Variants in NUP93 observed in about 807,000 individuals in gnomAD.
NUP93 encodes the protein nucleoporin 93, also known as nuclear pore complex protein Nup93.
Under a neutral mutation model 107.8 loss-of-function variants are expected in NUP93, and 55 were observed. The observed-to-expected ratio is 0.51, with a 90% CI of 0.41 to 0.64. NUP93 has a LOEUF of 0.64. Ranked by LOEUF, NUP93 falls within the 30% of genes least tolerant of loss-of-function variation. NUP93 has a pLI of 0.00. For synonymous variants in NUP93, 390 were observed against 397.5 expected (o/e 0.98, Z 0.22); for missense variants, 937 against 1,044.7 (o/e 0.90, Z 1.42).
At chr16:56,772,202 A>G (rs1962334875) in intron 3 of NUP93, among the ~76,000 whole-genome samples, 1 of 152,152 alleles carries the variant, frequency 6.6e-6, no homozygotes, top group African/African-American at 2.4e-5. Flanking sequence ...GAAAAAGGAT[A>G]AAGAACATGG....
intron 10 of NUP93, 161 bp from the exon 11 acceptor site, chr16:56,831,681 G>A (rs1596853711): frequency 9.0e-6 from 6 of 664,320 alleles, no homozygotes; most frequent in East Asian, 8.5e-5. Flanking sequence ...AGGTTAAAGC[G>A]ATGGTACCGA....
intron 5 of NUP93, among the ~76,000 whole-genome samples, 164 bp from the exon 6 acceptor site, chr16:56,818,500 C>A (rs1438901178): frequency 6.6e-6 from 1 of 152,182 alleles, no homozygotes; most frequent in Non-Finnish European, 1.5e-5. Context: ...GTAAAAGTTG[C>A]ATGTTATTGA....
Position 56,834,730 on chromosome 16 carries a change from A to G in NUP93, c.1738-4A>G, listed in dbSNP as rs1316982413. On this transcript the variant is annotated splice_polypyrimidine_tract_variant and splice_region_variant and intron_variant, in intron 15 of 21. Transcript: ENST00000308159. ...AATTTGAGTAAACTTTTTTCCTTCC[A>G]CAGTTCGATATGATTCTTGGGAAAC... 12 of 1,610,728 alleles carry G rather than the reference A, an allele frequency of 7.5e-6. No homozygotes were observed. The highest frequency in any genetic ancestry group is 5.0e-5 in the Admixed American group (3 of 59,670).
intron 3 of NUP93, among the ~76,000 whole-genome samples, chr16:56,776,905 T>A (rs2144512288): frequency 6.6e-6 from 1 of 152,392 alleles, no homozygotes; most frequent in African/African-American, 2.4e-5. Context: ...TATTATTTCA[T>A]GTATTTTTTA....
chr16:56,768,651 G>T (rs1230309636), intron 3 of NUP93, among the ~76,000 whole-genome samples: 1 of 151,462 alleles, frequency 6.6e-6, no homozygotes, highest in African/African-American at 2.4e-5. Flanking sequence ...CGGATCACAA[G>T]GTCAGGAGAT....
intron 3 of NUP93, among the ~76,000 whole-genome samples, chr16:56,780,036 G>C (rs1213551608): frequency 6.6e-6 from 1 of 152,168 alleles, no homozygotes; most frequent in Admixed American, 6.5e-5. Context: ...TTCTTGTACT[G>C]GTTCAGAGAG....
Position 56,837,784 on chromosome 16 carries a change from C to T in NUP93, c.2018+58C>T, listed in dbSNP as rs150129295. 1,720 of 1,244,820 alleles carry T rather than the reference C, an allele frequency of 1.4e-3. 14 individuals carry two copies. The African/African-American group carries it at 0.022, about 16-fold the overall frequency. The allele number at this position is 1,244,820 out of a possible 1,614,324, so 77.1% of individuals were successfully genotyped here. ...GGGTGCCACTGCCAGTGCCAGGCCA[C>T]CTATGCCCACCCAAATGCATGTTCA... On this transcript the variant is annotated intron_variant, in intron 18 of 21. Coordinates refer to ENST00000308159, the MANE Select transcript of NUP93 (RefSeq NM_014669.5).
At chr16:56,807,633 G>C (rs1483086268) in intron 5 of NUP93, among the ~76,000 whole-genome samples, 1 of 152,214 alleles carries the variant, frequency 6.6e-6, no homozygotes, top group Non-Finnish European at 1.5e-5. Flanking sequence ...GAATGATTAT[G>C]TTAAGTAGCC....
chr16:56,753,045 T>C (rs1366449656), intron 2 of NUP93, among the ~76,000 whole-genome samples: 1 of 152,100 alleles, frequency 6.6e-6, no homozygotes, highest in Non-Finnish European at 1.5e-5. Flanking sequence ...TTGAAACATA[T>C]CAAATATGTT....
chr16:56,810,984 G>T (rs1963303350), intron 5 of NUP93, among the ~76,000 whole-genome samples: 1 of 152,032 alleles, frequency 6.6e-6, no homozygotes, highest in Non-Finnish European at 1.5e-5. Context: ...CATTCTCATG[G>T]CTAAACAGTA....
intron 19 of NUP93, 164 bp downstream of exon 19, chr16:56,839,233 CTTTTTTTTTTTTTTT>C (rs71152206): frequency 1.5e-4 from 8 of 52,832 alleles, no homozygotes; most frequent in South Asian, 1.0e-3. Context: ...TCCTGTGTGG[CTTTTTTTTTTTTTTT>C]TTTTTTTTTT....
At chr16:56,764,489 C>CA (rs1456720154) in intron 3 of NUP93, among the ~76,000 whole-genome samples, 2 of 152,052 alleles carry the variant, frequency 1.3e-5, no homozygotes, top group African/African-American at 4.8e-5. Context: ...GACTCTGTCT[C>CA]AAAAAATGAA....
chr16:56,833,575 TC>T (rs530478696), intron 13 of NUP93, among the ~76,000 whole-genome samples, 169 bp downstream of exon 13: 5 of 143,666 alleles, frequency 3.5e-5, no homozygotes, highest in East Asian at 4.4e-4. Context: ...GGTTCCTGCT[TC>T]CCCCCCACCC....
chr16:56,829,368 A>G (rs537889087), intron 9 of NUP93, among the ~76,000 whole-genome samples: 2 of 152,368 alleles, frequency 1.3e-5, no homozygotes, highest in South Asian at 2.1e-4. Flanking sequence ...AGCTGAGCCA[A>G]TAGGACTTGC....
At chr16:56,797,312 G>A (rs1962922496) in intron 3 of NUP93, among the ~76,000 whole-genome samples, 1 of 152,208 alleles carries the variant, frequency 6.6e-6, no homozygotes, top group Non-Finnish European at 1.5e-5. Flanking sequence ...TTGCATTGGA[G>A]TATAGGTGGA....
intron 3 of NUP93, among the ~76,000 whole-genome samples, chr16:56,784,031 C>T (rs1962573341): frequency 6.6e-6 from 1 of 151,928 alleles, no homozygotes; most frequent in African/African-American, 2.4e-5. Context: ...TCTCAAAAAC[C>T]AGGTGTGATA....
At chr16:56,744,675 ATC>A (rs1961793420) in intron 1 of NUP93, among the ~76,000 whole-genome samples, 1 of 152,102 alleles carries the variant, frequency 6.6e-6, no homozygotes, top group African/African-American at 2.4e-5. Context: ...TTCTATATAT[ATC>A]TGTTTCTTTT....
chr16:56,736,337 A>C (rs1475189671), intron 1 of NUP93, among the ~76,000 whole-genome samples: 2 of 152,240 alleles, frequency 1.3e-5, no homozygotes, highest in African/African-American at 4.8e-5. Context: ...CATCTCAAAA[A>C]TAAATAAATA....
intron 8 of NUP93, among the ~76,000 whole-genome samples, chr16:56,826,060 G>GAT (rs1385690644): frequency 6.6e-6 from 1 of 152,178 alleles, no homozygotes; most frequent in African/African-American, 2.4e-5. Flanking sequence ...TTTGAGGCAT[G>GAT]ATATATATTT....
Sources: allele counts gnomAD v4.1 joint callset (sites outside exome capture counted in the v4.1 genomes callset), GRCh38; gene constraint gnomAD v4.1.1; transcripts MANE v1.5; gene names NCBI Gene and HGNC (gene_info 2026-07-23, HGNC 2026-07-21).